RAB1A: variants seen among roughly 807,000 people sequenced by gnomAD.
RAB1A encodes the protein ras-related protein Rab-1A.
RAB1A carries 2 observed loss-of-function variants against 26.0 expected under a neutral mutation model. That is an observed-to-expected ratio of 0.08 (90% confidence interval 0.03 to 0.24). The LOEUF (loss-of-function observed/expected upper bound fraction) is 0.24. Ranked by LOEUF, RAB1A falls within the 10% of genes least tolerant of loss-of-function variation. The pLI, the probability that RAB1A is intolerant of heterozygous loss-of-function variation, is 1.00. For missense variants in RAB1A, 100 were observed against 247.0 expected (o/e 0.40, Z 3.99); for synonymous variants, 84 against 84.9 (o/e 0.99, Z 0.06).
At chr2:65,126,381 G>A (rs538467725) in intron 1 of RAB1A, among the ~76,000 whole-genome samples, 4 of 151,424 alleles carry the variant, frequency 2.6e-5, no homozygotes, top group East Asian at 3.9e-4. Flanking sequence ...AGTGGCTCAC[G>A]CCTGTAATCC....
chr2:65,107,074 G>T (rs978982071), intron 1 of RAB1A, among the ~76,000 whole-genome samples: 4 of 151,394 alleles, frequency 2.6e-5, no homozygotes, highest in African/African-American at 9.7e-5. Flanking sequence ...TTTTTTGTTT[G>T]TTTGTTTTGA....
At chr2:65,104,361 T>G (rs577952348) in intron 2 of RAB1A, among the ~76,000 whole-genome samples, 1 of 152,324 alleles carries the variant, frequency 6.6e-6, no homozygotes, top group South Asian at 2.1e-4. Flanking sequence ...CTGCGTCACC[T>G]GGCTCTGCTT....
At chr2:65,110,465 C>T (rs554053518) in intron 1 of RAB1A, among the ~76,000 whole-genome samples, 208 of 149,946 alleles carry the variant, frequency 1.4e-3, no homozygotes, top group Middle Eastern at 3.5e-3. Context: ...ATGGCCAAGC[C>T]AGAACAATTT....
chr2:65,113,830 T>C (rs1436256121), intron 1 of RAB1A, among the ~76,000 whole-genome samples: 4 of 152,238 alleles, frequency 2.6e-5, no homozygotes, highest in African/African-American at 4.8e-5. Context: ...CTCAGCACTC[T>C]GAGAGGCTGG....
At chr2:65,091,630 A>T (rs928264184) in intron 3 of RAB1A, among the ~76,000 whole-genome samples, 2 of 152,070 alleles carry the variant, frequency 1.3e-5, no homozygotes, top group East Asian at 3.9e-4. Flanking sequence ...ACCTCAAGCA[A>T]TCCTTCCACC....
chr2:65,119,885 A>G lies in RAB1A; in HGVS notation c.23+10008T>C, dbSNP rs1406774681. On this transcript the variant is annotated intron_variant, in intron 1 of 5. Coordinates refer to ENST00000409784, the MANE Select transcript of RAB1A (RefSeq NM_004161.5). ...AAAAAAATTAATTAATTAAAAAATA[A>G]AAATAAAAAAGAGAGTAAGTTAGCT... is the stretch of plus-strand genomic sequence containing the variant. Among the ~76,000 whole-genome samples the G allele has an allele frequency of 2.0e-5, 3 of 150,782 alleles. No homozygotes were observed. The East Asian group carries it at 5.8e-4, about 29-fold the overall frequency.
intron 4 of RAB1A, 22 bp from the exon 5 acceptor site, chr2:65,089,092 T>C (rs1558575045): frequency 6.3e-7 from 1 of 1,586,478 alleles, no homozygotes; most frequent in Non-Finnish European, 8.6e-7. Context: ...TTTGAAAGAC[T>C]GATAATATAG....
chr2:65,112,146 G>GTTTTTTTTT (rs1558583933), intron 1 of RAB1A, among the ~76,000 whole-genome samples: 1 of 144,360 alleles, frequency 6.9e-6, no homozygotes, highest in African/African-American at 2.5e-5. Context: ...GCTAGCTCAT[G>GTTTTTTTTT]ATTTTTTTTT....
At chr2:65,098,493 C>A (rs1669340976) in intron 2 of RAB1A, among the ~76,000 whole-genome samples, 1 of 152,046 alleles carries the variant, frequency 6.6e-6, no homozygotes, top group Non-Finnish European at 1.5e-5. Flanking sequence ...CAATTTCACT[C>A]CGCTTTTTCT....
At chr2:65,114,117 C>G in intron 1 of RAB1A, 1 of 467,316 alleles carries the variant, frequency 2.1e-6, no homozygotes, top group East Asian at 6.0e-5. Context: ...AATACAGCCA[C>G]AAGTATATGA....
intron 1 of RAB1A, among the ~76,000 whole-genome samples, chr2:65,121,235 GAAAA>G (rs34280362): frequency 2.2e-5 from 2 of 91,390 alleles, no homozygotes; most frequent in Admixed American, 2.6e-4. Flanking sequence ...ATCATGTCTC[GAAAA>G]AAAAAAAAAA....
intron 2 of RAB1A, among the ~76,000 whole-genome samples, chr2:65,103,028 A>C (rs1028856380): frequency 1.3e-5 from 2 of 151,878 alleles, no homozygotes; most frequent in Admixed American, 6.6e-5. Flanking sequence ...CAAAATAACC[A>C]ACACACTAGC....
chr2:65,128,919 C>A (rs181157293), intron 1 of RAB1A, among the ~76,000 whole-genome samples: 4 of 152,232 alleles, frequency 2.6e-5, no homozygotes, highest in Admixed American at 1.3e-4. Flanking sequence ...AGGAAAGGTG[C>A]CAGGTGTGTC....
intron 2 of RAB1A, among the ~76,000 whole-genome samples, chr2:65,103,788 TC>T (rs1330491944): frequency 6.6e-6 from 1 of 150,994 alleles, no homozygotes; most frequent in Non-Finnish European, 1.5e-5. Flanking sequence ...TTATTTTTTT[TC>T]TTTTTTTTTT....
intron 1 of RAB1A, chr2:65,106,416 G>A (rs1669561356): frequency 5.7e-6 from 2 of 352,758 alleles, no homozygotes; most frequent in Middle Eastern, 3.7e-4. Context: ...TGTTTTAATT[G>A]CACTGCCAAA....
intron 2 of RAB1A, among the ~76,000 whole-genome samples, chr2:65,104,486 C>A (rs1669507822): frequency 6.6e-6 from 1 of 152,194 alleles, no homozygotes; most frequent in Non-Finnish European, 1.5e-5. Context: ...TGCTGTTTGA[C>A]TCTGACCAAA....
Position 65,091,091 on chromosome 2 carries a change from A to C in RAB1A, c.193-13T>G. ...CTGCTGTGTCCCACTATTACAAAAC[A>C]ATCAAGAAATCCAAACAATTCCATT... On this transcript the variant is annotated splice_polypyrimidine_tract_variant and intron_variant, in intron 3 of 5. Transcript: ENST00000409784. 1 of 1,589,182 alleles carries C rather than the reference A, an allele frequency of 6.3e-7. No homozygotes were observed. The highest frequency in any genetic ancestry group is 2.2e-5 in the East Asian group (1 of 44,728).
intron 1 of RAB1A, among the ~76,000 whole-genome samples, chr2:65,113,161 T>C (rs953095505): frequency 6.6e-6 from 1 of 152,182 alleles, no homozygotes; most frequent in Non-Finnish European, 1.5e-5. Flanking sequence ...CAATTACAAA[T>C]CAGCAAGAGG....
At chr2:65,097,922 C>A in intron 3 of RAB1A, 49 bp downstream of exon 3, 1 of 1,105,962 alleles carries the variant, frequency 9.0e-7, no homozygotes, top group Non-Finnish European at 1.3e-6. Flanking sequence ...CAATACATTA[C>A]AAATTTACCA....
Sources: allele counts gnomAD v4.1 joint callset (sites outside exome capture counted in the v4.1 genomes callset), GRCh38; gene constraint gnomAD v4.1.1; transcripts MANE v1.5; gene names NCBI Gene and HGNC (gene_info 2026-07-23, HGNC 2026-07-21).